NRXN1: variants seen among roughly 807,000 people sequenced by gnomAD.
NRXN1 encodes neurexin 1, also known as neurexin-1.
In NRXN1, 39 loss-of-function variants were observed where a neutral mutation model predicts 150.9. The ratio of observed to expected loss-of-function variants is 0.26; its 90% CI spans 0.20 to 0.34. The LOEUF (loss-of-function observed/expected upper bound fraction) is 0.34, where lower values mean the gene tolerates loss of function less well. Among genes scored for constraint, NRXN1 ranks in the 10% least tolerant of loss-of-function variants. NRXN1 has a pLI of 1.00. For missense variants in NRXN1, 1,815 were observed against 1,949.9 expected, an observed-to-expected ratio of 0.93 and a Z score of 1.30; for synonymous variants, 924 against 757.0, an observed-to-expected ratio of 1.22 and a Z score of -3.62.
At chr2:50,467,596 G>C (rs191270128) in intron 16 of NRXN1, among the ~76,000 whole-genome samples, 3 of 151,254 alleles carry the variant, frequency 2.0e-5, no homozygotes, top group Admixed American at 1.3e-4. Flanking sequence ...ATTGAATTTA[G>C]CCTAGCCTCT....
At chr2:50,658,439 T>TGTGTGTGTGTGTG (rs1553935244) in intron 5 of NRXN1, among the ~76,000 whole-genome samples, 5 of 151,720 alleles carry the variant, frequency 3.3e-5, no homozygotes, top group East Asian at 2.0e-4. Flanking sequence ...TGTGTGTGTG[T>TGTGTGTGTGTGTG]TTGAGGCAGG....
At chr2:50,673,064 G>A (rs892021924) in intron 5 of NRXN1, among the ~76,000 whole-genome samples, 1 of 151,976 alleles carries the variant, frequency 6.6e-6, no homozygotes, top group African/African-American at 2.4e-5. Flanking sequence ...CAATAACAGT[G>A]GGCAATGTGA....
At chr2:50,028,234 GATAT>G in intron 21 of NRXN1, among the ~76,000 whole-genome samples, 1 of 152,170 alleles carries the variant, frequency 6.6e-6, no homozygotes, top group East Asian at 1.9e-4. Flanking sequence ...TCTTTTTGTG[GATAT>G]ACTGAGGGAG....
At chr2:50,745,774 C>T (rs1212659059) in intron 5 of NRXN1, among the ~76,000 whole-genome samples, 2 of 152,052 alleles carry the variant, frequency 1.3e-5, no homozygotes, top group Non-Finnish European at 1.5e-5. Flanking sequence ...CATCAGATCT[C>T]ATGAGAACTT....
At chr2:50,259,281 T>G (rs1175076494) in intron 17 of NRXN1, among the ~76,000 whole-genome samples, 1 of 151,974 alleles carries the variant, frequency 6.6e-6, no homozygotes, top group Non-Finnish European at 1.5e-5. Flanking sequence ...AGCTAAATTT[T>G]TTTTTATAAC....
chr2:50,111,217 A>T (rs927724025), intron 18 of NRXN1, among the ~76,000 whole-genome samples: 3 of 152,196 alleles, frequency 2.0e-5, no homozygotes, highest in African/African-American at 4.8e-5. Context: ...CTTAGGCCCA[A>T]ACTCTCATGT....
At chr2:50,515,511 C>T (rs2092602247) in intron 12 of NRXN1, among the ~76,000 whole-genome samples, 1 of 151,830 alleles carries the variant, frequency 6.6e-6, no homozygotes, top group Non-Finnish European at 1.5e-5. Context: ...AAATCAATTG[C>T]AAAGTCCTTC....
At chr2:50,952,497 G>GTTTTTTTTTTTTTTTTTTTTTTTTTTT (rs1558480820) in intron 2 of NRXN1, among the ~76,000 whole-genome samples, 1 of 152,116 alleles carries the variant, frequency 6.6e-6, no homozygotes, top group African/African-American at 2.4e-5. Context: ...ATTTCAACAA[G>GTTTTTTTTTTTTTTTTTTTTTTTTTTT]TTTTTATTAA....
intron 17 of NRXN1, among the ~76,000 whole-genome samples, chr2:50,344,168 C>T (rs1412836282): frequency 1.3e-5 from 2 of 152,174 alleles, no homozygotes; most frequent in Non-Finnish European, 2.9e-5. Flanking sequence ...TAAGCCATCA[C>T]CCTGCCTGCC....
chr2:50,441,663 T>C (rs937208319), intron 17 of NRXN1, among the ~76,000 whole-genome samples: 1 of 152,216 alleles, frequency 6.6e-6, no homozygotes, highest in African/African-American at 2.4e-5. Flanking sequence ...CTGGGCTTTT[T>C]ATTTTGAAAA....
chr2:50,487,605 C>T (rs1006451551), intron 15 of NRXN1, among the ~76,000 whole-genome samples: 3 of 152,172 alleles, frequency 2.0e-5, no homozygotes, highest in African/African-American at 7.2e-5. Context: ...TAAGCCCACC[C>T]AACTTTCAAG....
intron 8 of NRXN1, among the ~76,000 whole-genome samples, chr2:50,594,999 T>TAAA (rs767429102): frequency 1.7e-4 from 23 of 135,332 alleles, no homozygotes; most frequent in African/African-American, 5.7e-4. Context: ...CCTCTCTTCT[T>TAAA]AAAAAAAAAA....
intron 5 of NRXN1, among the ~76,000 whole-genome samples, chr2:50,690,622 C>T (rs1342059422): frequency 6.6e-6 from 1 of 152,162 alleles, no homozygotes; most frequent in Non-Finnish European, 1.5e-5. Context: ...CAATGTGTCT[C>T]TAATAAGTGG....
At chr2:50,947,195 A>T (rs892436033) in intron 2 of NRXN1, among the ~76,000 whole-genome samples, 3 of 152,054 alleles carry the variant, frequency 2.0e-5, no homozygotes, top group Admixed American at 6.6e-5. Flanking sequence ...ATAAAAATTA[A>T]CCAAAATCAA....
intron 5 of NRXN1, among the ~76,000 whole-genome samples, chr2:50,855,759 A>C (rs975198248): frequency 1.4e-4 from 21 of 152,066 alleles, no homozygotes; most frequent in African/African-American, 5.1e-4. Flanking sequence ...ACATTCATTG[A>C]ATATCTTACT....
At chr2:50,135,075 C>T (rs924228395) in intron 18 of NRXN1, among the ~76,000 whole-genome samples, 6 of 152,214 alleles carry the variant, frequency 3.9e-5, no homozygotes, top group Non-Finnish European at 5.9e-5. Flanking sequence ...TCTTGCACAG[C>T]TTCTCTTTGC....
intron 18 of NRXN1, among the ~76,000 whole-genome samples, chr2:50,139,946 A>ATTAG (rs1394204584): frequency 6.6e-6 from 1 of 152,154 alleles, no homozygotes; most frequent in Non-Finnish European, 1.5e-5. Flanking sequence ...CAAAGCAAAA[A>ATTAG]TTAGTTTTTT....
chr2:50,170,096 C>G (rs1051794195), intron 18 of NRXN1, among the ~76,000 whole-genome samples: 2 of 151,450 alleles, frequency 1.3e-5, no homozygotes, highest in Non-Finnish European at 2.9e-5. Flanking sequence ...GTTTATATAT[C>G]TTTATTATAC....
intron 15 of NRXN1, among the ~76,000 whole-genome samples, chr2:50,481,958 C>T (rs1489958181): frequency 1.1e-4 from 15 of 140,434 alleles, no homozygotes; most frequent in South Asian, 1.0e-3. Flanking sequence ...TTAGTAGAGA[C>T]GGGGTTTCAC....
Sources: gnomAD v4.1 joint callset for allele counts (sites outside exome capture counted in the v4.1 genomes callset) on GRCh38, gnomAD v4.1.1 for gene constraint, MANE v1.5 for transcripts, NCBI Gene and HGNC (gene_info 2026-07-23, HGNC 2026-07-21) for gene names.